NCAPD3: variants seen among roughly 807,000 people sequenced by gnomAD.
NCAPD3 encodes condensin-2 complex subunit D3.
A neutral mutation model predicts 182.9 loss-of-function variants in NCAPD3; 105 were observed. That is an observed-to-expected ratio of 0.57 (90% CI 0.49 to 0.68). NCAPD3 has a LOEUF of 0.68. NCAPD3 is among the 30% of genes least tolerant of loss of function. The probability of loss-of-function intolerance (pLI) is 0.00; values close to 1 mark genes in which losing one functional copy is unlikely to be tolerated. For missense variants in NCAPD3, 1,944 were observed against 1,837.0 expected, an observed-to-expected ratio of 1.06 and a Z score of -1.07; for synonymous variants, 815 against 679.9, an observed-to-expected ratio of 1.20 and a Z score of -3.09.
chr11:134,178,333 A>G (rs1265252725), intron 22 of NCAPD3: 1 of 215,992 alleles, frequency 4.6e-6, no homozygotes, highest in East Asian at 9.3e-5. Context: ...TTGAAAAAAA[A>G]TTACAGAAAC....
intron 8 of NCAPD3, among the ~76,000 whole-genome samples, chr11:134,206,094 G>C (rs1937606982): frequency 6.6e-6 from 1 of 152,190 alleles, no homozygotes; most frequent in Admixed American, 6.5e-5. Context: ...TGACCCATGA[G>C]AGGAAAAGTA....
At chr11:134,177,107 AT>A (rs1944187070) in intron 23 of NCAPD3, 111 bp downstream of exon 23, 1 of 814,502 alleles carries the variant, frequency 1.2e-6, no homozygotes, top group South Asian at 1.7e-5. Context: ...AGATGAGACA[AT>A]TATTTTTGGA....
At chr11:134,187,183 C>A (rs543461578) in intron 16 of NCAPD3, among the ~76,000 whole-genome samples, 1 of 152,178 alleles carries the variant, frequency 6.6e-6, no homozygotes, top group East Asian at 1.9e-4. Flanking sequence ...CCAAAACCAA[C>A]GGCCATGCTT....
chr11:134,210,979 C>T (rs1937812924), intron 3 of NCAPD3, among the ~76,000 whole-genome samples: 1 of 152,144 alleles, frequency 6.6e-6, no homozygotes, highest in African/African-American at 2.4e-5. Flanking sequence ...GAAATCGGCC[C>T]AGGGCTGAAC....
Position 134,162,005 on chromosome 11 carries a change from T to C in NCAPD3, c.3574-114A>G, listed in dbSNP as rs142301307. ...CTACCACACTATGTAAGTTTATTTT[T>C]GCTTTTCATTATGATACTGGATGTA... On this transcript the variant is annotated intron_variant, in intron 27 of 34. Transcript: ENST00000534548. 30 of 588,192 alleles carry C rather than the reference T, an allele frequency of 5.1e-5. No individual in the cohort carries two copies. The Admixed American group carries it at 6.8e-4, about 13-fold the overall frequency. 36.4% of individuals were successfully genotyped at this position (588,192 alleles called of 1,614,324 possible). A position where few individuals can be genotyped will look rare whatever the true frequency, so the allele number is the denominator to read the frequency against.
At chr11:134,218,670 C>T (rs1938117017) in intron 2 of NCAPD3, among the ~76,000 whole-genome samples, 1 of 152,166 alleles carries the variant, frequency 6.6e-6, no homozygotes, top group Admixed American at 6.5e-5. Context: ...TAGCACTTCA[C>T]ACCATGTTTT....
At position 134,185,376 on chromosome 11, in the gene NCAPD3, C is replaced by T; in HGVS notation, c.2196G>A (p.Leu732=). 2 of 1,613,494 alleles carry T rather than the reference C, an allele frequency of 1.2e-6. No individual in the cohort carries two copies. The highest frequency in any genetic ancestry group is 2.2e-5 in the East Asian group (1 of 44,870). ...AAGATTGTATTATTCTGCTGTAGTC[C>T]AGCCTGGGTGAGGAGCCAGCAATCT... ...LSKIAGSSPR[L]DYSRIIQSWE... is the part of the protein sequence containing the mutation. The change falls in exon 17 of 35, where the codon CTG becomes CTA. Residue 732 remains leucine (L), a synonymous_variant. Transcript: ENST00000534548.
chr11:134,191,970 C>T (rs1037575810), intron 16 of NCAPD3, among the ~76,000 whole-genome samples: 5 of 152,176 alleles, frequency 3.3e-5, no homozygotes, highest in Admixed American at 2.6e-4. Flanking sequence ...TGAGATTTTC[C>T]ACTTGTGGCA....
At chr11:134,170,095 T>A (rs549412381) in intron 24 of NCAPD3, among the ~76,000 whole-genome samples, 5 of 152,286 alleles carry the variant, frequency 3.3e-5, no homozygotes, top group African/African-American at 1.2e-4. Flanking sequence ...AGCACACATA[T>A]CAATTAAAAA....
At chr11:134,218,876 C>T (rs1003473903) in intron 2 of NCAPD3, among the ~76,000 whole-genome samples, 4 of 152,180 alleles carry the variant, frequency 2.6e-5, no homozygotes, top group Non-Finnish European at 4.4e-5. Context: ...CACTTCAGTC[C>T]ACCTACTGTC....
At chr11:134,166,793 G>C (rs533505858) in intron 27 of NCAPD3, among the ~76,000 whole-genome samples, 58 of 100,970 alleles carry the variant, frequency 5.7e-4, no homozygotes, top group African/African-American at 2.4e-3. Flanking sequence ...GCACACTCGT[G>C]AGAGGAGCTT....
chr11:134,220,809 G>C (rs1938200966), intron 1 of NCAPD3, 83 bp from the exon 2 acceptor site: 20 of 1,354,962 alleles, frequency 1.5e-5, no homozygotes, highest in Non-Finnish European at 1.8e-5. Flanking sequence ...GTGTGTTCAA[G>C]AGGAGAAAAG....
chr11:134,167,034 G>A lies in NCAPD3; in HGVS notation c.3573+962C>T, dbSNP rs373990418. Among the ~76,000 whole-genome samples the A allele has an allele frequency of 1.1e-4, 7 of 61,622 alleles. 1 individual carries two copies. The highest frequency in any genetic ancestry group is 1.1e-3 in the East Asian group (2 of 1,806). 40.4% of individuals were successfully genotyped at this position (61,622 alleles called of 152,430 possible). Reference sequence around the variant, plus strand: ...GCACACTCACTAGTGAGATGAGCTTGGGGGAGCTGCACACTCACTAGTGAG... The same window carrying A: ...GCACACTCACTAGTGAGATGAGCTTAGGGGAGCTGCACACTCACTAGTGAG... On this transcript the variant is annotated intron_variant, in intron 27 of 34. Transcript: ENST00000534548.
chr11:134,183,599 T>G (rs1368808234), intron 19 of NCAPD3, among the ~76,000 whole-genome samples: 1 of 152,142 alleles, frequency 6.6e-6, no homozygotes, highest in Admixed American at 6.6e-5. Context: ...TCATATAATT[T>G]CTTGGGTCTT....
intron 24 of NCAPD3, among the ~76,000 whole-genome samples, chr11:134,170,632 T>C (rs191373268): frequency 9.4e-4 from 144 of 152,384 alleles, no homozygotes; most frequent in African/African-American, 3.2e-3. Context: ...TTTGGACTTA[T>C]GTCAATGCCA....
chr11:134,223,172 T>C (rs932879232), intron 1 of NCAPD3: 3 of 539,590 alleles, frequency 5.6e-6, no homozygotes, highest in East Asian at 5.9e-5. Flanking sequence ...GCTTGACACA[T>C]TCAAAGCTGT....
intron 25 of NCAPD3, 39 bp downstream of exon 25, chr11:134,168,878 C>A (rs759544382): frequency 6.3e-7 from 1 of 1,594,334 alleles, no homozygotes; most frequent in South Asian, 1.1e-5. Flanking sequence ...CCAGCTCTTA[C>A]CCAGATACAA....
chr11:134,217,228 T>C (rs1938061454), intron 2 of NCAPD3, 130 bp from the exon 3 acceptor site: 1 of 718,120 alleles, frequency 1.4e-6, no homozygotes, highest in Non-Finnish European at 2.0e-6. Context: ...TACTGCTAAA[T>C]GTTTACCATC....
At chr11:134,187,296 G>A (rs1015608611) in intron 16 of NCAPD3, among the ~76,000 whole-genome samples, 6 of 152,178 alleles carry the variant, frequency 3.9e-5, no homozygotes, top group African/African-American at 1.4e-4. Flanking sequence ...ACTAATTCCT[G>A]TCTTCTAATA....
Sources: allele counts gnomAD v4.1 joint callset (sites outside exome capture counted in the v4.1 genomes callset), GRCh38; gene constraint gnomAD v4.1.1; transcripts MANE v1.5; gene names NCBI Gene and HGNC (gene_info 2026-07-23, HGNC 2026-07-21).